The following SRSF11 variants were observed in gnomAD, a reference collection of about 807,000 sequenced individuals.
SRSF11 encodes the protein serine/arginine-rich splicing factor 11.
Under a neutral mutation model 56.0 loss-of-function variants are expected in SRSF11, and 9 were observed. The ratio of observed to expected loss-of-function variants is 0.16; its 90% confidence interval spans 0.10 to 0.28. The LOEUF is 0.28. Among genes scored for constraint, SRSF11 ranks in the 10% least tolerant of loss-of-function variants. SRSF11 has a pLI of 1.00. For missense variants in SRSF11, 421 were observed against 600.7 expected (o/e 0.70, Z 3.13); for synonymous variants, 222 against 215.3 (o/e 1.03, Z -0.27).
chr1:70,207,492 C>T (rs1473768502), intron 1 of SRSF11, among the ~76,000 whole-genome samples: 1 of 151,994 alleles, frequency 6.6e-6, no homozygotes, highest in Non-Finnish European at 1.5e-5. Flanking sequence ...CCATGACTTC[C>T]CTAGTGGCTT....
upstream of SRSF11, among the ~76,000 whole-genome samples, chr1:70,219,416 CTAA>C (rs578079196): frequency 8.5e-5 from 13 of 152,238 alleles, no homozygotes; most frequent in East Asian, 2.1e-3. Flanking sequence ...CATCTCTATA[CTAA>C]TAATAATACA....
chr1:70,223,946 C>T (rs936182379), intron 1 of SRSF11, among the ~76,000 whole-genome samples: 3 of 152,112 alleles, frequency 2.0e-5, no homozygotes, highest in Non-Finnish European at 4.4e-5. Context: ...TCTCTGGGTT[C>T]CACATCCATG....
chr1:70,244,726 T>C lies in SRSF11; in HGVS notation c.843T>C (p.Ser281=). The part of the protein sequence containing the change: ...SRSRRRSHSK[S]RSRRRSKSPR... ...CGAGACGGCGGTCACATTCTAAGTC[T>C]AGGAGTCGGCGACGATCCAAAAGCC... Residue 281 remains serine, a synonymous_variant, in exon 8 of 12, where the codon TCT becomes TCC. Transcript: ENST00000370949. 6.2e-7 allele frequency: 1 copy of C among 1,614,164 alleles called. No homozygotes were observed. The highest frequency in any genetic ancestry group is 8.5e-7 in the Non-Finnish European group (1 of 1,180,026).
At chr1:70,228,210 T>TTAAA in intron 1 of SRSF11, among the ~76,000 whole-genome samples, 1 of 152,302 alleles carries the variant, frequency 6.6e-6, no homozygotes, top group South Asian at 2.1e-4. Context: ...TAAATATAAG[T>TTAAA]TATGATTATA....
chr1:70,250,952 G>A lies in SRSF11; in HGVS notation c.*147G>A. On this transcript the variant is annotated 3_prime_UTR_variant, in exon 12 of 12. Transcript: ENST00000370949. Reference sequence around the variant, plus strand: ...TATAAAGCTCCTGTTACTCATATTAGTTATTTACATCAAAAAGCTTTTAGA... The same window carrying A: ...TATAAAGCTCCTGTTACTCATATTAATTATTTACATCAAAAAGCTTTTAGA... The A allele has an allele frequency of 1.5e-6, 1 of 666,302 alleles. No homozygotes were observed. Among genetic ancestry groups the A allele is most frequent in the Non-Finnish European group, 2.5e-6 (1 of 401,594 alleles). 41.3% of individuals were successfully genotyped at this position (666,302 alleles called of 1,614,324 possible).
intron 1 of SRSF11, among the ~76,000 whole-genome samples, chr1:70,227,311 G>A (rs1328707548): frequency 6.6e-6 from 1 of 152,032 alleles, no homozygotes; most frequent in East Asian, 1.9e-4. Flanking sequence ...TTAAAATACA[G>A]GATTTTCCTT....
intron 9 of SRSF11, chr1:70,248,889 A>G (rs1677341386): frequency 2.0e-5 from 3 of 152,230 alleles, no homozygotes; most frequent in Admixed American, 6.5e-5. Context: ...CAAAAAGTAT[A>G]AGGTGCACAG....
chr1:70,247,640 G>A (rs550565829), intron 9 of SRSF11, among the ~76,000 whole-genome samples: 9 of 152,216 alleles, frequency 5.9e-5, no homozygotes, highest in South Asian at 2.1e-4. Flanking sequence ...TTAAGACCAT[G>A]AGCTTGGTGG....
At chr1:70,246,595 T>C (rs962496991) in intron 8 of SRSF11, 10 of 352,454 alleles carry the variant, frequency 2.8e-5, no homozygotes, top group South Asian at 7.7e-5. Context: ...TAGTCTACTT[T>C]AGTCTACTTG....
At chr1:70,206,242 G>C (rs901353443) in intron 1 of SRSF11, among the ~76,000 whole-genome samples, 3 of 152,206 alleles carry the variant, frequency 2.0e-5, no homozygotes, top group East Asian at 3.8e-4. Flanking sequence ...GTGAAGCTCA[G>C]ACAGCTTGGA....
chr1:70,228,529 C>G lies in SRSF11; in HGVS notation c.311C>G (p.Ala104Gly), dbSNP rs1269311459. Residue 104 changes from alanine to glycine, a missense_variant, in exon 2 of 12, where the codon GCT becomes GGT. By Grantham distance (60) the Ala-to-Gly change is moderately conservative. Transcript: ENST00000370949. ...HLTNTVFVDRALIVVPYAEGV... is the reference protein window; with the variant it reads ...HLTNTVFVDRGLIVVPYAEGV... ...ACAAACACTGTATTCGTTGACAGAGCTTTGATAGTCGTACCATATGCAGAA... is the reference window on the plus strand; with the variant it reads ...ACAAACACTGTATTCGTTGACAGAGGTTTGATAGTCGTACCATATGCAGAA... 6.2e-7 allele frequency: 1 copy of G among 1,613,368 alleles called. No homozygotes were observed. Among genetic ancestry groups the G allele is most frequent in the South Asian group, 1.1e-5 (1 of 91,008 alleles).
chr1:70,219,207 A>G (rs568381374), upstream of SRSF11, among the ~76,000 whole-genome samples: 3 of 152,346 alleles, frequency 2.0e-5, no homozygotes, highest in East Asian at 1.9e-4. Flanking sequence ...AGCATTTTAG[A>G]TAAGGGTTAC....
chr1:70,239,579 C>T lies in SRSF11; in HGVS notation c.800+59C>T, dbSNP rs1005649515. 2.3e-6 allele frequency: 3 copies of T among 1,283,246 alleles called. No homozygotes were observed. The African/African-American group carries it at 4.6e-5, about 20-fold the overall frequency. The allele number at this position is 1,283,246 out of a possible 1,614,324, so 79.5% of individuals were successfully genotyped here. A position where few individuals can be genotyped will look rare whatever the true frequency, so the allele number is the denominator to read the frequency against. Reference sequence around the variant, plus strand: ...CAAAGATAATTTATATATGTCACATCTTTTTTAATTTGCTGTTAATCTGTT... The same window carrying T: ...CAAAGATAATTTATATATGTCACATTTTTTTTAATTTGCTGTTAATCTGTT... On this transcript the variant is annotated intron_variant, in intron 7 of 11. Coordinates refer to ENST00000370949, the MANE Select transcript of SRSF11 (RefSeq NM_001350605.2).
chr1:70,251,517 A>G lies in SRSF11; in HGVS notation c.*712A>G, dbSNP rs1247764830. ...TTGAAGTAGAGTTGTATACTTTTTC[A>G]TAAGATGTTTGGGAATTTTTTTCCT... On this transcript the variant is annotated 3_prime_UTR_variant, in exon 12 of 12. Coordinates refer to ENST00000370949, the MANE Select transcript of SRSF11 (RefSeq NM_001350605.2). 1.3e-5 allele frequency: 2 copies of G among 152,468 alleles called. No homozygotes were observed. The highest frequency in any genetic ancestry group is 2.9e-5 in the Non-Finnish European group (2 of 68,004). 9.4% of individuals were successfully genotyped at this position (152,468 alleles called of 1,614,324 possible).
At chr1:70,249,641 C>G (rs1571965436) in intron 9 of SRSF11, 1 of 247,494 alleles carries the variant, frequency 4.0e-6, no homozygotes, top group East Asian at 9.4e-5. Flanking sequence ...ACTCCAGCTT[C>G]AACCTCCGCA....
chr1:70,230,451 G>A, intron 2 of SRSF11: 1 of 1,187,992 alleles, frequency 8.4e-7, no homozygotes, highest in Non-Finnish European at 1.1e-6. Flanking sequence ...GCTGAATTTG[G>A]AAGGAACTCT....
intron 4 of SRSF11, 108 bp from the exon 5 acceptor site, chr1:70,235,393 C>A: frequency 1.2e-6 from 1 of 862,544 alleles, no homozygotes; most frequent in Non-Finnish European, 1.8e-6. Flanking sequence ...ATTTATGTTT[C>A]ATGGCATGTA....
chr1:70,240,487 C>T (rs74088029), intron 7 of SRSF11, among the ~76,000 whole-genome samples: 17,052 of 152,156 alleles, frequency 0.11, 1,191 homozygotes, highest in East Asian at 0.3. Context: ...TTTGTTATTA[C>T]TTTGAAAATA....
intron 2 of SRSF11, chr1:70,229,573 C>A: frequency 1.0e-6 from 1 of 984,800 alleles, no homozygotes; most frequent in Non-Finnish European, 1.2e-6. Context: ...TATGATAAAA[C>A]TGCTGGATTT....
Sources: allele counts gnomAD v4.1 joint callset (sites outside exome capture counted in the v4.1 genomes callset), GRCh38; gene constraint gnomAD v4.1.1; transcripts MANE v1.5; gene names NCBI Gene and HGNC (gene_info 2026-07-23, HGNC 2026-07-21).